SCN7A: variants seen among roughly 807,000 people sequenced by gnomAD.
SCN7A encodes the protein sodium channel protein type 7 subunit alpha.
SCN7A carries 138 observed loss-of-function variants against 155.2 expected under a neutral mutation model. That is an observed-to-expected ratio of 0.89 (90% CI 0.77 to 1.02). SCN7A has a LOEUF of 1.02. Ranked by LOEUF, SCN7A falls within the 50% of genes least tolerant of loss-of-function variation. SCN7A has a pLI of 0.00. For synonymous variants in SCN7A, 693 were observed against 649.0 expected, an observed-to-expected ratio of 1.07 and a Z score of -1.03; for missense variants, 2,058 against 1,986.6, an observed-to-expected ratio of 1.04 and a Z score of -0.68.
Position 166,427,813 on chromosome 2 carries a change from A to C in SCN7A, c.2828T>G (p.Val943Gly), listed in dbSNP as rs763025698. 7 of 1,611,432 alleles carry C rather than the reference A, an allele frequency of 4.3e-6. 1 individual carries two copies. The South Asian group carries it at 7.7e-5, about 18-fold the overall frequency. ...NNWFKCFIGL[V>G]TLLSTGTLAF... ...CAGAGTGCCAGTGCTGAGCAGAGTA[A>C]CAAGCCCAATAAAACACTTAAACCA... Residue 943 changes from valine (V) to glycine (G), a missense_variant, in exon 18 of 26, where the codon GTT becomes GGT. Coordinates refer to ENST00000643258, the MANE Select transcript of SCN7A (RefSeq NM_002976.4).
At chr2:166,445,840 A>C (rs1271335698) in intron 12 of SCN7A, among the ~76,000 whole-genome samples, 1 of 152,094 alleles carries the variant, frequency 6.6e-6, no homozygotes, top group Admixed American at 6.6e-5. Context: ...GAAAACAGAA[A>C]CTGGACCCCA....
At chr2:166,417,039 T>C in intron 20 of SCN7A, 54 bp from the exon 21 acceptor site, 1 of 1,373,878 alleles carries the variant, frequency 7.3e-7, no homozygotes. Context: ...ACTGTTTTAG[T>C]TTTTGATCAG....
intron 23 of SCN7A, among the ~76,000 whole-genome samples, chr2:166,411,507 T>A (rs1701202133): frequency 6.6e-6 from 1 of 151,622 alleles, no homozygotes; most frequent in Admixed American, 6.6e-5. Flanking sequence ...AGAGAAAAGG[T>A]GAAAGTGCTT....
intron 10 of SCN7A, chr2:166,462,169 T>C: frequency 2.4e-6 from 1 of 422,564 alleles, no homozygotes. Flanking sequence ...TCTCTCTCTC[T>C]GACCTTGTAG....
chr2:166,407,404 T>C (rs1211781360), intron 25 of SCN7A, among the ~76,000 whole-genome samples: 1 of 151,996 alleles, frequency 6.6e-6, no homozygotes, highest in Non-Finnish European at 1.5e-5. Context: ...GTAGTTTATT[T>C]TGAGTTGAGA....
intron 15 of SCN7A, chr2:166,436,264 G>A: frequency 4.5e-6 from 1 of 223,152 alleles, no homozygotes; most frequent in South Asian, 4.3e-5. Context: ...ACTGAATCAT[G>A]GGGGCAGTTA....
In SCN7A at chr2:166,457,001, T is replaced by C; in HGVS notation, c.1159A>G (p.Ser387Gly). Residue 387 changes from serine (S) to glycine (G), a missense_variant, in exon 11 of 26, where the codon AGT (serine) becomes GGT (glycine). Coordinates refer to ENST00000643258, the MANE Select transcript of SCN7A (RefSeq NM_002976.4). ...VSFLFSFYMA[S>G]LFLGILAMAY... ...ATGGCAAGTATGCCTAAGAACAAACTTGCCATATAAAAGGAAAACAAAAAA... is the reference window on the plus strand; with the variant it reads ...ATGGCAAGTATGCCTAAGAACAAACCTGCCATATAAAAGGAAAACAAAAAA... The C allele has an allele frequency of 6.2e-7, 1 of 1,610,698 alleles. No individual in the cohort carries two copies. The highest frequency in any genetic ancestry group is 2.2e-5 in the East Asian group (1 of 44,716).
intron 10 of SCN7A, chr2:166,461,921 C>T (rs1559117595): frequency 1.3e-5 from 2 of 153,724 alleles, no homozygotes; most frequent in African/African-American, 2.4e-5. Context: ...AACCCCTCCT[C>T]TACTGAAAAT....
intron 10 of SCN7A, among the ~76,000 whole-genome samples, chr2:166,459,117 C>CTT (rs1702347295): frequency 6.6e-6 from 1 of 152,044 alleles, no homozygotes. Context: ...TGCTTATTAT[C>CTT]TTATTCAATA....
chr2:166,471,032 A>G (rs1297620052), intron 6 of SCN7A, among the ~76,000 whole-genome samples: 1 of 151,904 alleles, frequency 6.6e-6, no homozygotes, highest in Non-Finnish European at 1.5e-5. Flanking sequence ...TGAAAAATGA[A>G]TATCTAGTGT....
intron 1 of SCN7A, among the ~76,000 whole-genome samples, chr2:166,493,021 T>C (rs912894416): frequency 6.6e-6 from 1 of 152,200 alleles, no homozygotes; most frequent in Non-Finnish European, 1.5e-5. Flanking sequence ...TTACTCCTTA[T>C]AGGTCTTACT....
Position 166,439,478 on chromosome 2 carries a change from T to C in SCN7A, c.2157+1918A>G, listed in dbSNP as rs144309536. ...TCTTGATAAAACAGAAGATACTAGC[T>C]AGCAAAGAGCACAGAGAAAAACAGA... On this transcript the variant is annotated intron_variant, in intron 15 of 25. Transcript: ENST00000643258. Among the ~76,000 whole-genome samples, 10 of 152,238 alleles carry C rather than the reference T, an allele frequency of 6.6e-5. No individual in the cohort carries two copies. The East Asian group carries it at 1.7e-3, about 27-fold the overall frequency.
chr2:166,438,179 T>A (rs1253753712), intron 15 of SCN7A, among the ~76,000 whole-genome samples: 3 of 152,124 alleles, frequency 2.0e-5, no homozygotes, highest in Non-Finnish European at 4.4e-5. Context: ...TGATGATGGT[T>A]ACCTCCATGC....
At chr2:166,437,032 C>T (rs939260663) in intron 15 of SCN7A, among the ~76,000 whole-genome samples, 1 of 152,206 alleles carries the variant, frequency 6.6e-6, no homozygotes, top group African/African-American at 2.4e-5. Flanking sequence ...TAAATTTGCA[C>T]AAGTAATGAG....
At chr2:166,488,420 T>C (rs1389860205) in intron 1 of SCN7A, among the ~76,000 whole-genome samples, 2 of 152,132 alleles carry the variant, frequency 1.3e-5, no homozygotes, top group Non-Finnish European at 2.9e-5. Flanking sequence ...ATGAGGAAGA[T>C]GACTGAAGCT....
chr2:166,433,798 A>C (rs1248254733), intron 15 of SCN7A, among the ~76,000 whole-genome samples: 1 of 152,290 alleles, frequency 6.6e-6, no homozygotes, highest in South Asian at 2.1e-4. Flanking sequence ...GAAAACACAG[A>C]TGCTAGGAAG....
chr2:166,421,737 C>A (rs918353264), intron 19 of SCN7A, among the ~76,000 whole-genome samples: 1 of 151,874 alleles, frequency 6.6e-6, no homozygotes, highest in East Asian at 1.9e-4. Context: ...AGACAATATA[C>A]ATGATAGGCT....
rs1433099061 is a variant in SCN7A, at chr2:166,447,595, C to T, written c.1387+17G>A. ...TAGTACCTTCAATAGTGAGTGTCTACTTATTTAGTACTTTACCTTCCTTAT... is the reference window on the plus strand; with the variant it reads ...TAGTACCTTCAATAGTGAGTGTCTATTTATTTAGTACTTTACCTTCCTTAT... On this transcript the variant is annotated intron_variant, in intron 12 of 25. Transcript: ENST00000643258. The T allele has an allele frequency of 6.6e-7, 1 of 1,523,512 alleles. No individual in the cohort carries two copies. The highest frequency in any genetic ancestry group is 2.3e-5 in the East Asian group (1 of 44,248). 94.4% of individuals were successfully genotyped at this position (1,523,512 alleles called of 1,614,324 possible). A position where few individuals can be genotyped will look rare whatever the true frequency, so the allele number is the denominator to read the frequency against.
At chr2:166,484,563 G>T (rs1703003622) in intron 2 of SCN7A, among the ~76,000 whole-genome samples, 1 of 148,270 alleles carries the variant, frequency 6.7e-6, no homozygotes, top group Admixed American at 6.7e-5. Context: ...TATGATTTAT[G>T]ATTTAAAAAT....
Sources: allele counts gnomAD v4.1 joint callset (sites outside exome capture counted in the v4.1 genomes callset), GRCh38; gene constraint gnomAD v4.1.1; transcripts MANE v1.5; gene names NCBI Gene and HGNC (gene_info 2026-07-23, HGNC 2026-07-21).